The following ADAM29 variants were observed in gnomAD, a reference collection of about 807,000 sequenced individuals.
ADAM29 encodes disintegrin and metalloproteinase domain-containing protein 29.
For synonymous variants in ADAM29, 367 were observed against 342.3 expected (o/e 1.07, Z -0.80); for missense variants, 969 against 1,001.8 (o/e 0.97, Z 0.44).
Position 174,977,294 on chromosome 4 carries a change from T to C in ADAM29, c.1769T>C (p.Met590Thr), listed in dbSNP as rs1746894133. The C allele has an allele frequency of 1.2e-6, 2 of 1,613,662 alleles. No individual in the cohort carries two copies. The highest frequency in any genetic ancestry group is 1.7e-5 in the Admixed American group (1 of 59,988). The change falls in exon 5 of 5, where the codon ATG becomes ACG. Residue 590 changes from methionine (M) to threonine (T), a missense_variant. Met to Thr is a moderately conservative substitution (Grantham distance 81). Coordinates refer to ENST00000359240, the MANE Select transcript of ADAM29 (RefSeq NM_014269.4). ...MCWSTDYHLG[M>T]KGPDIGEVKD... ...TGGAGTACTGATTACCATTTGGGGA[T>C]GAAGGGACCTGATATTGGTGAAGTG...
chr4:174,967,742 CCT>C (rs1336333695), intron 4 of ADAM29, among the ~76,000 whole-genome samples: 1 of 152,156 alleles, frequency 6.6e-6, no homozygotes, highest in East Asian at 1.9e-4. Context: ...AGAATTAAGT[CCT>C]GTCATGAAAC....
chr4:174,949,294 C>T (rs12186228), intron 4 of ADAM29, among the ~76,000 whole-genome samples: 32,402 of 151,974 alleles, frequency 0.21, 4,083 homozygotes, highest in East Asian at 0.55. Context: ...GCATGGCAAG[C>T]TTTGAGGGAT....
At chr4:174,951,236 G>T (rs1422243771) in intron 4 of ADAM29, among the ~76,000 whole-genome samples, 1 of 152,144 alleles carries the variant, frequency 6.6e-6, no homozygotes, top group East Asian at 1.9e-4. Context: ...GTATGAACAC[G>T]TGGGCTGACC....
At position 174,975,888 on chromosome 4, in the gene ADAM29, G is replaced by A. The variant is rs748171512; in HGVS notation, c.363G>A (p.Gly121=). ...ESLVSLSTCF[G]GFQGILQIND... Reference sequence around the variant, plus strand: ...TGGTTTCCCTCAGTACCTGTTTTGGGGGTTTTCAAGGAATATTACAGATAA... The same window carrying A: ...TGGTTTCCCTCAGTACCTGTTTTGGAGGTTTTCAAGGAATATTACAGATAA... The change falls in exon 5 of 5, where the codon GGG becomes GGA. Residue 121 remains glycine, a synonymous_variant. Coordinates refer to ENST00000359240, the MANE Select transcript of ADAM29 (RefSeq NM_014269.4). 3 of 1,613,302 alleles carry A rather than the reference G, an allele frequency of 1.9e-6. No homozygotes were observed. The African/African-American group carries it at 4.0e-5, about 22-fold the overall frequency.
chr4:174,976,326 C>A lies in ADAM29; in HGVS notation c.801C>A (p.His267Gln). 6.2e-7 allele frequency: 1 copy of A among 1,611,820 alleles called. No homozygotes were observed. The highest frequency in any genetic ancestry group is 1.3e-5 in the African/African-American group (1 of 74,914). ...IVVDDVRKSV[H>Q]LYCKWKSENI... The stretch of plus-strand genomic sequence containing the variant: ...TAGATGATGTAAGGAAATCTGTGCA[C>A]CTGTATTGCAAGTGGAAGTCGGAGA... The change falls in exon 5 of 5, where the codon CAC becomes CAA. Residue 267 changes from histidine (H) to glutamine (Q), a missense_variant. By Grantham distance (24) the His-to-Gln change is conservative (BLOSUM62 0). Transcript: ENST00000359240.
intron 4 of ADAM29, among the ~76,000 whole-genome samples, chr4:174,970,781 T>C (rs903673494): frequency 2.6e-5 from 4 of 152,186 alleles, no homozygotes; most frequent in East Asian, 3.8e-4. Flanking sequence ...ATCCCTTTCA[T>C]AGTGTTATCT....
At chr4:174,943,126 A>C (rs1052215271) in intron 4 of ADAM29, among the ~76,000 whole-genome samples, 2 of 152,162 alleles carry the variant, frequency 1.3e-5, no homozygotes, top group Non-Finnish European at 2.9e-5. Context: ...CCTCCACCTG[A>C]AACCACCTCA....
At chr4:174,923,661 C>A (rs143319890) in intron 2 of ADAM29, among the ~76,000 whole-genome samples, 107 of 151,062 alleles carry the variant, frequency 7.1e-4, no homozygotes, top group African/African-American at 2.5e-3. Context: ...CTGAACAAGC[C>A]GATCACTTTC....
At chr4:174,959,996 G>T (rs1745717227) in intron 4 of ADAM29, among the ~76,000 whole-genome samples, 1 of 151,920 alleles carries the variant, frequency 6.6e-6, no homozygotes, top group African/African-American at 2.4e-5. Context: ...TCCAATAAAA[G>T]ACTACTCACA....
intron 2 of ADAM29, among the ~76,000 whole-genome samples, chr4:174,926,280 C>T (rs1214567379): frequency 6.6e-6 from 1 of 152,122 alleles, no homozygotes; most frequent in Non-Finnish European, 1.5e-5. Context: ...AATTGATGCT[C>T]AGACCACTTC....
intron 4 of ADAM29, among the ~76,000 whole-genome samples, chr4:174,969,520 A>T (rs1746350737): frequency 6.6e-6 from 1 of 152,000 alleles, no homozygotes; most frequent in Non-Finnish European, 1.5e-5. Flanking sequence ...TTAAACTCAC[A>T]ATTCCAGGGA....
intron 4 of ADAM29, among the ~76,000 whole-genome samples, chr4:174,949,656 G>A (rs1745059651): frequency 6.6e-6 from 1 of 151,640 alleles, no homozygotes; most frequent in South Asian, 2.1e-4. Flanking sequence ...CTTGTAGGAT[G>A]CCAGTCTGCC....
At chr4:174,961,528 G>A (rs1049629841) in intron 4 of ADAM29, among the ~76,000 whole-genome samples, 1 of 151,896 alleles carries the variant, frequency 6.6e-6, no homozygotes, top group African/African-American at 2.4e-5. Context: ...TAGTACAAAT[G>A]AGAAAGATTC....
At chr4:174,958,894 A>G (rs2111050045) in intron 4 of ADAM29, among the ~76,000 whole-genome samples, 1 of 151,944 alleles carries the variant, frequency 6.6e-6, no homozygotes. Context: ...GTACCTTGTA[A>G]CACAGTGTTC....
At chr4:174,935,614 C>T (rs765657493) in intron 3 of ADAM29, among the ~76,000 whole-genome samples, 29 of 151,990 alleles carry the variant, frequency 1.9e-4, no homozygotes, top group Admixed American at 6.6e-4. Context: ...TCCATATTTA[C>T]GAAATAGGCA....
At chr4:174,936,015 G>A (rs1474803190) in intron 3 of ADAM29, among the ~76,000 whole-genome samples, 2 of 152,010 alleles carry the variant, frequency 1.3e-5, no homozygotes, top group African/African-American at 2.4e-5. Flanking sequence ...GAGAACAAAA[G>A]GAGGTCAATA....
intron 2 of ADAM29, among the ~76,000 whole-genome samples, chr4:174,928,373 G>A (rs1429286717): frequency 6.6e-6 from 1 of 151,944 alleles, no homozygotes; most frequent in East Asian, 1.9e-4. Context: ...AAGGTGAACA[G>A]ACATGTCAAC....
chr4:174,970,226 T>G (rs185691128), intron 4 of ADAM29, among the ~76,000 whole-genome samples: 1 of 152,208 alleles, frequency 6.6e-6, no homozygotes, highest in Admixed American at 6.5e-5. Context: ...CCTGTCCTAA[T>G]CCCTGAAACC....
chr4:174,976,661 T>C lies in ADAM29; in HGVS notation c.1136T>C (p.Val379Ala). Residue 379 changes from valine (V) to alanine (A), a missense_variant, in exon 5 of 5, where the codon GTA becomes GCA. Coordinates refer to ENST00000359240, the MANE Select transcript of ADAM29 (RefSeq NM_014269.4). ...TATGGTGATTTTTGGGAATATACTG[T>C]AGAGAGGACAAAGTGTTTGCTTGAA... ...CSYGDFWEYT[V>A]ERTKCLLETV... 6.2e-7 allele frequency: 1 copy of C among 1,613,914 alleles called. No individual in the cohort carries two copies. Among genetic ancestry groups the C allele is most frequent in the South Asian group, 1.1e-5 (1 of 91,040 alleles).
Sources: gnomAD v4.1 joint callset for allele counts (sites outside exome capture counted in the v4.1 genomes callset) on GRCh38, gnomAD v4.1.1 for gene constraint, MANE v1.5 for transcripts, NCBI Gene and HGNC (gene_info 2026-07-23, HGNC 2026-07-21) for gene names.